Variants in MTHFD2L observed in about 807,000 individuals in gnomAD.
The protein encoded by MTHFD2L is methylenetetrahydrofolate dehydrogenase (NADP+ dependent) 2 like, also known as bifunctional methylenetetrahydrofolate dehydrogenase/cyclohydrolase 2, mitochondrial.
In MTHFD2L, 29 loss-of-function variants were observed where a neutral mutation model predicts 34.9. The observed-to-expected ratio is 0.83, with a 90% CI of 0.62 to 1.13. MTHFD2L has a LOEUF of 1.13. Among genes scored for constraint, MTHFD2L ranks in the 50% most tolerant of loss-of-function variants. The pLI is 0.00. For synonymous variants in MTHFD2L, 167 were observed against 155.7 expected (o/e 1.07, Z -0.54); for missense variants, 481 against 446.5 (o/e 1.08, Z -0.70).
At chr4:74,218,949 A>G (rs1442015099) in intron 5 of MTHFD2L, among the ~76,000 whole-genome samples, 2 of 152,064 alleles carry the variant, frequency 1.3e-5, no homozygotes, top group East Asian at 3.8e-4. Flanking sequence ...ACTATCTATG[A>G]TTAAAAATAT....
intron 5 of MTHFD2L, among the ~76,000 whole-genome samples, chr4:74,207,853 A>G (rs773769043): frequency 2.0e-5 from 3 of 147,510 alleles, no homozygotes; most frequent in East Asian, 2.0e-4. Flanking sequence ...AGGCAGTGCA[A>G]CGTGATGTGA....
chr4:74,167,938 A>G (rs1248254278), intron 1 of MTHFD2L, among the ~76,000 whole-genome samples: 1 of 152,104 alleles, frequency 6.6e-6, no homozygotes, highest in African/African-American at 2.4e-5. Flanking sequence ...ACCCAATCTC[A>G]GTAACTCCCA....
chr4:74,161,291 A>G (rs995091891), intron 1 of MTHFD2L: 3 of 152,184 alleles, frequency 2.0e-5, no homozygotes, highest in African/African-American at 7.2e-5. Context: ...ATCAGTAACA[A>G]TGTTCATTTT....
intron 3 of MTHFD2L, among the ~76,000 whole-genome samples, chr4:74,187,108 A>T (rs1479294252): frequency 1.3e-5 from 2 of 152,202 alleles, no homozygotes; most frequent in African/African-American, 2.4e-5. Flanking sequence ...CAGATATTCA[A>T]ATGCAAAAGA....
chr4:74,267,467 C>T (rs1745456798), intron 6 of MTHFD2L, among the ~76,000 whole-genome samples: 1 of 151,290 alleles, frequency 6.6e-6, no homozygotes, highest in Admixed American at 6.6e-5. Flanking sequence ...GTGGCGCCAT[C>T]GTGGCTCACT....
chr4:74,126,767 A>G (rs1351500076), intron 1 of MTHFD2L, among the ~76,000 whole-genome samples: 1 of 151,998 alleles, frequency 6.6e-6, no homozygotes, highest in African/African-American at 2.4e-5. Context: ...TGTATACTTT[A>G]TATTTTTTTA....
At position 74,135,837 on chromosome 4, in the gene MTHFD2L, T is replaced by C. The variant is rs571278766; in HGVS notation, c.-297+10320T>C. Among the ~76,000 whole-genome samples the C allele has an allele frequency of 7.9e-5, 12 of 152,216 alleles. No homozygotes were observed. The South Asian group carries it at 1.7e-3, about 21-fold the overall frequency. On this transcript the variant is annotated intron_variant, in intron 1 of 7. Coordinates refer to the MTHFD2L transcript ENST00000433372. ...TTCAACATATGCAAATCAATACATG[T>C]TATACACGACATTAACAGAATCGAG...
chr4:74,180,866 G>A, intron 3 of MTHFD2L: 1 of 202,738 alleles, frequency 4.9e-6, no homozygotes, highest in South Asian at 6.5e-5. Context: ...ACTTTGTCGA[G>A]GTAAGAAAGG....
At chr4:74,150,381 G>A (rs1362720603) in intron 1 of MTHFD2L, among the ~76,000 whole-genome samples, 1 of 152,206 alleles carries the variant, frequency 6.6e-6, no homozygotes, top group Non-Finnish European at 1.5e-5. Flanking sequence ...AGCCTCCTGA[G>A]TAGCTGGGAT....
At chr4:74,206,533 CTT>C (rs964711437) in intron 5 of MTHFD2L, among the ~76,000 whole-genome samples, 3 of 151,778 alleles carry the variant, frequency 2.0e-5, no homozygotes, top group African/African-American at 7.3e-5. Context: ...GATGTGGAGT[CTT>C]TTTTAAGGCT....
At chr4:74,157,117 A>T (rs1724340531), upstream of MTHFD2L, 1 of 152,274 alleles carries the variant, frequency 6.6e-6, no homozygotes, top group Non-Finnish European at 1.5e-5. Flanking sequence ...GGTCACCTAG[A>T]TTTTTTCCTG....
chr4:74,242,337 G>A (rs1578588542), intron 6 of MTHFD2L: 1 of 152,166 alleles, frequency 6.6e-6, no homozygotes, highest in Non-Finnish European at 1.5e-5. Context: ...TTAGTGGTTG[G>A]TAGCAAACAG....
At chr4:74,280,316 A>T (rs1054753792) in intron 6 of MTHFD2L, 6 of 152,144 alleles carry the variant, frequency 3.9e-5, no homozygotes, top group African/African-American at 1.4e-4. Context: ...GTCTCCTGGA[A>T]CACTCACTCT....
At chr4:74,180,390 T>G (rs189231635) in intron 3 of MTHFD2L, among the ~76,000 whole-genome samples, 2 of 152,274 alleles carry the variant, frequency 1.3e-5, no homozygotes. Context: ...TGATTACACC[T>G]TCAAGCTTAA....
chr4:74,116,422 A>C (rs1721656443), intron 2 of MTHFD2L, among the ~76,000 whole-genome samples: 1 of 152,218 alleles, frequency 6.6e-6, no homozygotes, highest in African/African-American at 2.4e-5. Context: ...AGAACTGTAA[A>C]GAAATAAAGT....
intron 6 of MTHFD2L, chr4:74,267,713 G>A (rs1745489848): frequency 2.0e-6 from 2 of 985,232 alleles, no homozygotes; most frequent in African/African-American, 3.5e-5. Context: ...GGGATTACAG[G>A]TGCCCTCAGA....
chr4:74,266,385 G>T (rs983701527), intron 6 of MTHFD2L, among the ~76,000 whole-genome samples: 27 of 152,052 alleles, frequency 1.8e-4, no homozygotes, highest in African/African-American at 6.0e-4. Flanking sequence ...GTCATCCTTA[G>T]GTACACAGGA....
rs760854100 is a variant in MTHFD2L at position 74,301,679 on chromosome 4, GTT to G, written c.932-11_932-10del. The G allele has an allele frequency of 1.4e-6, 2 of 1,446,614 alleles. No individual in the cohort carries two copies. The highest frequency in any genetic ancestry group is 2.9e-5 in the African/African-American group (2 of 69,326). The allele number at this position is 1,446,614 out of a possible 1,614,324, so 89.6% of individuals were successfully genotyped here. Reference sequence around the variant, plus strand: ...ATTTTAAAATAAAGAATATCTGTTTGTTTTTTTTCCTCATCAGCTGTTAAAAA... The same window carrying G: ...ATTTTAAAATAAAGAATATCTGTTTGTTTTTTCCTCATCAGCTGTTAAAAA... On this transcript the variant is annotated splice_polypyrimidine_tract_variant and intron_variant, in intron 7 of 7. Transcript: ENST00000325278.
At chr4:74,222,944 C>A (rs1034038621) in intron 5 of MTHFD2L, among the ~76,000 whole-genome samples, 2 of 151,898 alleles carry the variant, frequency 1.3e-5, no homozygotes, top group Admixed American at 1.3e-4. Context: ...CAGATTCTGG[C>A]GAGGTTGCAG....
Sources: allele counts gnomAD v4.1 joint callset (sites outside exome capture counted in the v4.1 genomes callset), GRCh38; gene constraint gnomAD v4.1.1; transcripts MANE v1.5; gene names NCBI Gene and HGNC (gene_info 2026-07-23, HGNC 2026-07-21).